The following GPC6 variants were observed in gnomAD, a reference collection of about 807,000 sequenced individuals.
GPC6 encodes glypican 6.
GPC6 carries 14 observed loss-of-function variants against 55.2 expected under a neutral mutation model. That is an observed-to-expected ratio of 0.25 (90% CI 0.17 to 0.40). The LOEUF (loss-of-function observed/expected upper bound fraction) is 0.40. Among genes scored for constraint, GPC6 ranks in the 10% least tolerant of loss-of-function variants. The probability of loss-of-function intolerance (pLI) is 1.00; values close to 1 mark genes in which losing one functional copy is unlikely to be tolerated. For missense variants in GPC6, 641 were observed against 708.5 expected (o/e 0.90, Z 1.08); for synonymous variants, 278 against 259.6 (o/e 1.07, Z -0.68).
chr13:94,227,559 T>C (rs1335253221), intron 4 of GPC6, among the ~76,000 whole-genome samples: 4 of 152,202 alleles, frequency 2.6e-5, no homozygotes, highest in Non-Finnish European at 5.9e-5. Flanking sequence ...GAAATAATTA[T>C]TACTGTAACA....
chr13:93,661,290 T>G (rs1594351106), intron 2 of GPC6, among the ~76,000 whole-genome samples: 1 of 152,148 alleles, frequency 6.6e-6, no homozygotes, highest in African/African-American at 2.4e-5. Context: ...CTTGGCTCGC[T>G]GCAACCTCCG....
At chr13:94,073,937 A>G (rs1036948378) in intron 4 of GPC6, among the ~76,000 whole-genome samples, 7 of 152,192 alleles carry the variant, frequency 4.6e-5, no homozygotes, top group African/African-American at 1.7e-4. Flanking sequence ...AAATGGCACT[A>G]TTAGCAAAAA....
chr13:94,135,123 T>G (rs763343815), intron 4 of GPC6, among the ~76,000 whole-genome samples: 1 of 152,274 alleles, frequency 6.6e-6, no homozygotes, highest in East Asian at 1.9e-4. Flanking sequence ...ATAGTACTTA[T>G]CTAGCTGAAA....
chr13:93,974,488 A>G (rs1232360640), intron 3 of GPC6, among the ~76,000 whole-genome samples: 1 of 152,174 alleles, frequency 6.6e-6, no homozygotes, highest in East Asian at 1.9e-4. Context: ...TCTAATGTCA[A>G]TGATGATCTA....
At chr13:93,922,919 A>G (rs1877651292) in intron 3 of GPC6, among the ~76,000 whole-genome samples, 1 of 152,114 alleles carries the variant, frequency 6.6e-6, no homozygotes, top group African/African-American at 2.4e-5. Flanking sequence ...ATTCAATACC[A>G]CCTCTTATAA....
At chr13:93,931,486 A>G (rs1157451228) in intron 3 of GPC6, among the ~76,000 whole-genome samples, 2 of 151,470 alleles carry the variant, frequency 1.3e-5, no homozygotes, top group Non-Finnish European at 2.9e-5. Flanking sequence ...GGCCAGGCGT[A>G]GTGGCTCACG....
intron 1 of GPC6, among the ~76,000 whole-genome samples, chr13:93,368,866 G>A (rs1881355282): frequency 6.6e-6 from 1 of 152,056 alleles, no homozygotes; most frequent in Non-Finnish European, 1.5e-5. Context: ...ACTCTTATGG[G>A]ACAGGTTTGC....
intron 1 of GPC6, among the ~76,000 whole-genome samples, chr13:93,262,999 GTTTT>G (rs1304533275): frequency 3.3e-5 from 5 of 152,170 alleles, no homozygotes; most frequent in Non-Finnish European, 5.9e-5. Flanking sequence ...AGCTTTATGG[GTTTT>G]TTTAACAAAG....
intron 1 of GPC6, among the ~76,000 whole-genome samples, chr13:93,491,524 A>T (rs1010171322): frequency 9.3e-6 from 1 of 107,798 alleles, no homozygotes; most frequent in Non-Finnish European, 1.8e-5. Context: ...CTTTAGTTTA[A>T]TTAGATCCCA....
intron 2 of GPC6, among the ~76,000 whole-genome samples, chr13:93,820,088 G>A (rs1886991633): frequency 6.6e-6 from 1 of 152,150 alleles, no homozygotes; most frequent in African/African-American, 2.4e-5. Context: ...GCTGACTGTA[G>A]TGGAATTAAA....
chr13:93,411,103 A>G (rs969657881), intron 1 of GPC6, among the ~76,000 whole-genome samples: 11 of 152,318 alleles, frequency 7.2e-5, no homozygotes, highest in Non-Finnish European at 1.5e-4. Context: ...TTACATTTTT[A>G]GTTAAGATAT....
At chr13:94,306,313 A>C in intron 6 of GPC6, 190 bp downstream of exon 6, 2 of 697,780 alleles carry the variant, frequency 2.9e-6, no homozygotes, top group Admixed American at 4.2e-5. Context: ...ATTATTTAAG[A>C]AATCTATTAA....
chr13:94,100,239 GCAA>G lies in GPC6; in HGVS notation c.877+72346_877+72348del, dbSNP rs543066998. ...CAACATAAATGAAGAAGAAAGCTAA[GCAA>G]ATAGAGTTTTTATTCTTTTTGTTTA... On this transcript the variant is annotated intron_variant, in intron 4 of 8. Transcript: ENST00000377047. Among the ~76,000 whole-genome samples, 905 of 152,260 alleles carry G rather than the reference GCAA, an allele frequency of 5.9e-3. 6 individuals are homozygous for G. The highest frequency in any genetic ancestry group is 9.8e-3 in the Non-Finnish European group (669 of 67,988).
At chr13:93,748,293 TG>T (rs1884468332) in intron 2 of GPC6, among the ~76,000 whole-genome samples, 1 of 152,194 alleles carries the variant, frequency 6.6e-6, no homozygotes, top group South Asian at 2.1e-4. Flanking sequence ...GACTTTTAAA[TG>T]AGGTGAGGGA....
intron 2 of GPC6, among the ~76,000 whole-genome samples, chr13:93,732,310 C>A (rs1883853885): frequency 6.6e-6 from 1 of 152,056 alleles, no homozygotes; most frequent in Non-Finnish European, 1.5e-5. Flanking sequence ...GCTGACAGTC[C>A]TATCAGCAAA....
At chr13:93,349,406 A>G (rs1880548683) in intron 1 of GPC6, among the ~76,000 whole-genome samples, 1 of 152,148 alleles carries the variant, frequency 6.6e-6, no homozygotes, top group African/African-American at 2.4e-5. Context: ...CTTATTCATT[A>G]AACAGATTAG....
chr13:93,219,131 T>TC, the GPC6 span, among the ~76,000 whole-genome samples: 1,782 of 151,282 alleles, frequency 0.012, 41 homozygotes, highest in African/African-American at 0.04. Context: ...TCTCACTCTG[T>TC]CACCCAGGCT....
chr13:93,570,836 A>G (rs1265957924), intron 2 of GPC6, among the ~76,000 whole-genome samples: 1 of 152,176 alleles, frequency 6.6e-6, no homozygotes, highest in Non-Finnish European at 1.5e-5. Context: ...CAAATGGAAT[A>G]TTACACAAAA....
chr13:94,158,728 AG>A (rs1425801684), intron 4 of GPC6, among the ~76,000 whole-genome samples: 1 of 152,194 alleles, frequency 6.6e-6, no homozygotes, highest in African/African-American at 2.4e-5. Flanking sequence ...ATCTCAACTC[AG>A]GAGTGGCAGG....
Sources: gnomAD v4.1 joint callset for allele counts (sites outside exome capture counted in the v4.1 genomes callset) on GRCh38, gnomAD v4.1.1 for gene constraint, MANE v1.5 for transcripts, NCBI Gene and HGNC (gene_info 2026-07-23, HGNC 2026-07-21) for gene names.